Variants in CDON observed in about 807,000 individuals in gnomAD.
The protein encoded by CDON is cell adhesion associated, oncogene regulated, also known as cell adhesion molecule-related/down-regulated by oncogenes.
In CDON, 73 loss-of-function variants were observed where a neutral mutation model predicts 120.9. The observed-to-expected ratio is 0.60, with a 90% CI of 0.50 to 0.73. CDON has a LOEUF of 0.73. Among genes scored for constraint, CDON ranks in the 30% least tolerant of loss-of-function variants. The pLI, the probability that CDON is intolerant of heterozygous loss-of-function variation, is 0.00. For missense variants in CDON, 1,470 were observed against 1,587.3 expected, an observed-to-expected ratio of 0.93 and a Z score of 1.26; for synonymous variants, 566 against 573.5, an observed-to-expected ratio of 0.99 and a Z score of 0.19.
intron 1 of CDON, among the ~76,000 whole-genome samples, chr11:126,051,497 C>T (rs1250091286): frequency 6.6e-6 from 1 of 152,042 alleles, no homozygotes; most frequent in African/African-American, 2.4e-5. Context: ...CAGTCCAAAC[C>T]CTGAGCTAAC....
At chr11:125,977,037 C>T (rs1591556406) in intron 18 of CDON, among the ~76,000 whole-genome samples, 2 of 152,216 alleles carry the variant, frequency 1.3e-5, no homozygotes, top group Non-Finnish European at 2.9e-5. Context: ...CCACTTGTAA[C>T]TAAATCCGTC....
rs138096051 is a variant in CDON at position 126,055,661 on chromosome 11, G to A, written c.-62+6918C>T. Among the ~76,000 whole-genome samples the A allele has an allele frequency of 4.9e-4, 75 of 152,282 alleles. No individual in the cohort carries two copies. The East Asian group carries it at 8.9e-3, about 18-fold the overall frequency. On this transcript the variant is annotated intron_variant, in intron 1 of 19. Transcript: ENST00000531738. ...AAAAGTTGCAGTGGAGGAGGGACAAGAGGGACATTTATTAATGTTTACATA... is the reference window on the plus strand; with the variant it reads ...AAAAGTTGCAGTGGAGGAGGGACAAAAGGGACATTTATTAATGTTTACATA...
At chr11:126,049,278 C>T (rs573599925) in intron 1 of CDON, among the ~76,000 whole-genome samples, 1 of 152,088 alleles carries the variant, frequency 6.6e-6, no homozygotes, top group South Asian at 2.1e-4. Flanking sequence ...ATTAAGAGGG[C>T]CTGGTTCTGA....
At chr11:125,970,003 G>A (rs977321917) in intron 18 of CDON, among the ~76,000 whole-genome samples, 1 of 152,096 alleles carries the variant, frequency 6.6e-6, no homozygotes, top group Admixed American at 6.5e-5. Context: ...GCATGATTAT[G>A]TACAGAATTA....
In CDON at chr11:125,967,276, T is replaced by C. The variant is rs117213208; in HGVS notation, c.3357-5278A>G. On this transcript the variant is annotated intron_variant, in intron 18 of 19. Coordinates refer to ENST00000531738, the MANE Select transcript of CDON (RefSeq NM_001378964.1). The stretch of plus-strand genomic sequence containing the variant: ...AATTCACATTAAACTCTAACTAATG[T>C]CATAATGGCTAGCACCAAGCACATA... Among the ~76,000 whole-genome samples, 270 of 152,342 alleles carry C rather than the reference T, an allele frequency of 1.8e-3. 4 individuals are homozygous for C. In the East Asian group the frequency reaches 0.042, roughly 24 times the overall value.
At chr11:126,027,841 C>A (rs1325661189) in intron 1 of CDON, among the ~76,000 whole-genome samples, 1 of 152,192 alleles carries the variant, frequency 6.6e-6, no homozygotes, top group African/African-American at 2.4e-5. Context: ...GGGCACATTA[C>A]TTGCCAAACG....
chr11:126,010,776 A>C, intron 7 of CDON, 82 bp from the exon 8 acceptor site: 1 of 1,118,056 alleles, frequency 8.9e-7, no homozygotes, highest in Non-Finnish European at 1.3e-6. Flanking sequence ...CTATCACGTA[A>C]ATGTGGGAGT....
At position 125,959,907 on chromosome 11, in the gene CDON, G is replaced by A. The variant is rs1945593192; in HGVS notation, c.*1035C>T. ...GAAACAGTCAAAAAGAGCCCATAGT[G>A]GCCATTTTATAAATTAATGTAATTT... On this transcript the variant is annotated 3_prime_UTR_variant, in exon 20 of 20. Transcript: ENST00000531738. The A allele has an allele frequency of 6.6e-6, 1 of 152,018 alleles. No homozygotes were observed. The highest frequency in any genetic ancestry group is 1.9e-4 in the East Asian group (1 of 5,200). The allele number at this position is 152,018 out of a possible 1,614,324, so 9.4% of individuals were successfully genotyped here. A position where few individuals can be genotyped will look rare whatever the true frequency, so the allele number is the denominator to read the frequency against.
chr11:125,980,033 C>CT (rs1248235075), intron 17 of CDON, among the ~76,000 whole-genome samples: 2 of 152,074 alleles, frequency 1.3e-5, no homozygotes, highest in African/African-American at 2.4e-5. Context: ...AAAAAAAACT[C>CT]TAAGCTTCTT....
At chr11:125,998,716 T>C (rs964859968) in intron 11 of CDON, among the ~76,000 whole-genome samples, 3 of 152,232 alleles carry the variant, frequency 2.0e-5, no homozygotes, top group Non-Finnish European at 4.4e-5. Context: ...TAATCCGGTC[T>C]GTATGACAGT....
Position 126,010,436 on chromosome 11 carries a change from T to C in CDON, c.1457A>G (p.His486Arg), listed in dbSNP as rs1947261428. ...VLSQAGASSL[H>R]IQAVTQEHAG... ...ATGTTCCTGAGTCACAGCCTGAATA[T>C]GGAGAGAGCTTGCACCAGCTTGGGA... The change falls in exon 8 of 20, where the codon CAT (histidine) becomes CGT (arginine). Residue 486 changes from histidine (H) to arginine (R), a missense_variant. Transcript: ENST00000531738. The C allele has an allele frequency of 1.2e-6, 2 of 1,613,996 alleles. No homozygotes were observed. The highest frequency in any genetic ancestry group is 1.1e-5 in the South Asian group (1 of 91,088).
chr11:126,022,074 C>T (rs1395866871), intron 2 of CDON, among the ~76,000 whole-genome samples: 1 of 142,264 alleles, frequency 7.0e-6, no homozygotes, highest in Non-Finnish European at 1.5e-5. Flanking sequence ...TGCACTCCAG[C>T]CTGGGTGACA....
In CDON at chr11:125,983,853, A is replaced by G. The variant is rs1591564959; in HGVS notation, c.2995+19T>C. On this transcript the variant is annotated intron_variant, in intron 16 of 19. Coordinates refer to ENST00000531738, the MANE Select transcript of CDON (RefSeq NM_001378964.1). ...CCCACCTTTAGAAAAAGAGAAGGAG[A>G]TATTTATGAGTGACTTACTTTGTAT... 4 of 1,557,782 alleles carry G rather than the reference A, an allele frequency of 2.6e-6. No homozygotes were observed. The South Asian group carries it at 4.5e-5, about 17-fold the overall frequency.
intron 10 of CDON, among the ~76,000 whole-genome samples, chr11:126,003,490 T>C (rs140478696): frequency 6.3e-4 from 96 of 152,160 alleles, no homozygotes; most frequent in African/African-American, 2.2e-3. Flanking sequence ...TATAATAGGG[T>C]CGTTTAGTGA....
intron 6 of CDON, among the ~76,000 whole-genome samples, chr11:126,016,131 C>A (rs901456315): frequency 6.6e-6 from 1 of 152,164 alleles, no homozygotes; most frequent in African/African-American, 2.4e-5. Context: ...TCCAGTGTTG[C>A]TAACCTATAG....
chr11:126,005,520 A>AC (rs1187875134), intron 9 of CDON: 1 of 555,228 alleles, frequency 1.8e-6, no homozygotes, highest in East Asian at 3.1e-5. Context: ...ATTTGAATAC[A>AC]CATGTAAAGA....
At chr11:125,985,828 G>C (rs1334722068) in intron 15 of CDON, among the ~76,000 whole-genome samples, 1 of 151,802 alleles carries the variant, frequency 6.6e-6, no homozygotes, top group East Asian at 1.9e-4. Context: ...AGGTGCTGGA[G>C]AGGATGTGGA....
intron 1 of CDON, among the ~76,000 whole-genome samples, chr11:126,061,805 C>T (rs1948803923): frequency 6.6e-6 from 1 of 152,200 alleles, no homozygotes; most frequent in African/African-American, 2.4e-5. Flanking sequence ...CTTAAAGCAC[C>T]TGCCACCCTC....
chr11:126,009,262 TGCAC>T (rs1947221473), intron 8 of CDON, among the ~76,000 whole-genome samples: 1 of 152,212 alleles, frequency 6.6e-6, no homozygotes, highest in Admixed American at 6.5e-5. Flanking sequence ...CGTCCTTGTT[TGCAC>T]GTGAAGGGAA....
Sources: allele counts gnomAD v4.1 joint callset (sites outside exome capture counted in the v4.1 genomes callset), GRCh38; gene constraint gnomAD v4.1.1; transcripts MANE v1.5; gene names NCBI Gene and HGNC (gene_info 2026-07-23, HGNC 2026-07-21).